Variants in CDH12 observed in about 807,000 individuals in gnomAD.
CDH12 encodes the protein cadherin-12.
Under a neutral mutation model 74.1 loss-of-function variants are expected in CDH12, and 41 were observed. The observed-to-expected ratio is 0.55, with a 90% CI of 0.43 to 0.72. CDH12 has a LOEUF of 0.72. Ranked by LOEUF, CDH12 falls within the 30% of genes least tolerant of loss-of-function variation. CDH12 has a pLI of 0.00. For missense variants in CDH12, 945 were observed against 977.2 expected, an observed-to-expected ratio of 0.97 and a Z score of 0.44; for synonymous variants, 399 against 355.0, an observed-to-expected ratio of 1.12 and a Z score of -1.39.
At position 21,880,584 on chromosome 5, in the gene CDH12, C is replaced by CCTTCTTTCT. The variant is rs1561268141; in HGVS notation, c.527-25795_527-25794insAGAAAGAAG. 3.3e-4 allele frequency among the ~76,000 whole-genome samples: 15 copies of CCTTCTTTCT among 45,588 alleles called. 1 individual carries two copies. The highest frequency in any genetic ancestry group is 2.4e-3 in the South Asian group (2 of 834). 29.9% of individuals were successfully genotyped at this position (45,588 alleles called of 152,430 possible). On this transcript the variant is annotated intron_variant, in intron 6 of 14. Transcript: ENST00000382254. ...CTTCCCTTCTTTCTTTCCTTCCTTC[C>CCTTCTTTCT]TTCCTTCCTTCCTTCCTTCCTTCCT...
chr5:22,153,885 T>TATAC (rs1261139922), intron 4 of CDH12, among the ~76,000 whole-genome samples: 2 of 62,690 alleles, frequency 3.2e-5, no homozygotes, highest in African/African-American at 9.4e-5. Flanking sequence ...TATATATATA[T>TATAC]ATAAATATAT....
At chr5:22,788,207 A>G (rs979601854) in intron 1 of CDH12, among the ~76,000 whole-genome samples, 8 of 152,190 alleles carry the variant, frequency 5.3e-5, no homozygotes, top group Non-Finnish European at 8.8e-5. Flanking sequence ...GTCCTTATTT[A>G]AAAGGCTGAC....
intron 8 of CDH12, among the ~76,000 whole-genome samples, chr5:21,833,342 A>ATATATATAAT (rs1749314794): frequency 1.4e-4 from 6 of 43,208 alleles, no homozygotes; most frequent in Non-Finnish European, 1.8e-4. Context: ...TATATTATAT[A>ATATATATAAT]ACATATAATA....
intron 2 of CDH12, among the ~76,000 whole-genome samples, chr5:22,429,793 C>T (rs1264619980): frequency 6.6e-6 from 1 of 152,172 alleles, no homozygotes; most frequent in African/African-American, 2.4e-5. Flanking sequence ...ACAAAGCTCT[C>T]CTGACAAATT....
chr5:22,588,007 T>C (rs774907061), intron 1 of CDH12, among the ~76,000 whole-genome samples: 5 of 149,182 alleles, frequency 3.4e-5, no homozygotes, highest in Non-Finnish European at 5.9e-5. Context: ...TCTATATACC[T>C]ACCAAATATA....
chr5:22,699,438 G>C (rs576833255), intron 1 of CDH12, among the ~76,000 whole-genome samples: 28 of 151,278 alleles, frequency 1.9e-4, no homozygotes, highest in African/African-American at 6.9e-4. Flanking sequence ...TATCAGAAAG[G>C]CTTTGATACA....
chr5:22,366,867 AT>A, intron 3 of CDH12, among the ~76,000 whole-genome samples: 1 of 152,268 alleles, frequency 6.6e-6, no homozygotes, highest in East Asian at 1.9e-4. Flanking sequence ...CTTGGTTCTA[AT>A]TTTATCTCTG....
chr5:22,007,362 G>T (rs1737027485), intron 5 of CDH12, among the ~76,000 whole-genome samples: 1 of 152,096 alleles, frequency 6.6e-6, no homozygotes, highest in African/African-American at 2.4e-5. Context: ...AGTATGTGAG[G>T]TAAGCCATAT....
At chr5:22,464,566 T>C (rs1047051262) in intron 2 of CDH12, among the ~76,000 whole-genome samples, 1 of 152,182 alleles carries the variant, frequency 6.6e-6, no homozygotes, top group Admixed American at 6.5e-5. Flanking sequence ...AGTTCTGCCG[T>C]TACCCATTTT....
intron 3 of CDH12, among the ~76,000 whole-genome samples, chr5:22,216,077 T>C (rs145496881): frequency 1.1e-4 from 16 of 152,208 alleles, no homozygotes; most frequent in Admixed American, 2.0e-4. Context: ...AAACCTAATG[T>C]CTTCCTTTTT....
At chr5:22,365,769 C>T (rs1321679523) in intron 3 of CDH12, among the ~76,000 whole-genome samples, 1 of 152,118 alleles carries the variant, frequency 6.6e-6, no homozygotes, top group African/African-American at 2.4e-5. Flanking sequence ...ACATCAGTAT[C>T]ATGCCAGTTA....
At chr5:22,241,220 A>T (rs975640544) in intron 3 of CDH12, among the ~76,000 whole-genome samples, 2 of 152,158 alleles carry the variant, frequency 1.3e-5, no homozygotes, top group East Asian at 3.9e-4. Flanking sequence ...TTTAATATTT[A>T]TGACATATAA....
At chr5:21,824,872 G>A (rs1218721472) in intron 8 of CDH12, among the ~76,000 whole-genome samples, 1 of 151,990 alleles carries the variant, frequency 6.6e-6, no homozygotes, top group Non-Finnish European at 1.5e-5. Context: ...ACAAAATATT[G>A]CCCAGGCACA....
At chr5:22,082,094 A>G (rs1176114978) in intron 4 of CDH12, among the ~76,000 whole-genome samples, 3 of 152,142 alleles carry the variant, frequency 2.0e-5, no homozygotes, top group African/African-American at 4.8e-5. Context: ...TACTTTTTCC[A>G]TCTTAACTAA....
chr5:22,474,149 G>A (rs567569190), intron 2 of CDH12, among the ~76,000 whole-genome samples: 21 of 152,216 alleles, frequency 1.4e-4, no homozygotes, highest in Admixed American at 8.5e-4. Context: ...TTTCTTTCAC[G>A]AATATTTCCT....
intron 1 of CDH12, among the ~76,000 whole-genome samples, chr5:22,721,632 G>T (rs530245981): frequency 6.6e-6 from 1 of 152,226 alleles, no homozygotes; most frequent in South Asian, 2.1e-4. Flanking sequence ...AAGGACATGA[G>T]ATTTGAGAGG....
chr5:22,669,397 G>T (rs1387233788), intron 1 of CDH12, among the ~76,000 whole-genome samples: 1 of 152,176 alleles, frequency 6.6e-6, no homozygotes, highest in Non-Finnish European at 1.5e-5. Context: ...AAAAGAGAAA[G>T]AATATGTATT....
At chr5:22,810,973 A>G (rs533534628) in intron 1 of CDH12, among the ~76,000 whole-genome samples, 12 of 151,994 alleles carry the variant, frequency 7.9e-5, no homozygotes, top group Admixed American at 5.3e-4. Flanking sequence ...ACTTACATAT[A>G]TACATACATA....
At chr5:22,846,908 TA>T (rs1201083807) in intron 1 of CDH12, among the ~76,000 whole-genome samples, 1 of 151,762 alleles carries the variant, frequency 6.6e-6, no homozygotes, top group Non-Finnish European at 1.5e-5. Context: ...CAGCAAAATG[TA>T]AAATGTTGAG....
Sources: allele counts gnomAD v4.1 joint callset (sites outside exome capture counted in the v4.1 genomes callset), GRCh38; gene constraint gnomAD v4.1.1; transcripts MANE v1.5; gene names NCBI Gene and HGNC (gene_info 2026-07-23, HGNC 2026-07-21).